Variants in BCHE observed in about 807,000 individuals in gnomAD.
BCHE encodes the protein butyrylcholinesterase, also known as cholinesterase.
Under a neutral mutation model 51.3 loss-of-function variants are expected in BCHE, and 48 were observed. The observed-to-expected ratio is 0.94, with a 90% confidence interval of 0.74 to 1.19. BCHE has a LOEUF of 1.19. BCHE is among the 50% of genes most tolerant of loss of function. The probability of loss-of-function intolerance (pLI) is 0.00; values close to 1 mark genes in which losing one functional copy is unlikely to be tolerated. For synonymous variants in BCHE, 251 were observed against 238.0 expected, an observed-to-expected ratio of 1.05 and a Z score of -0.50; for missense variants, 847 against 708.2, an observed-to-expected ratio of 1.20 and a Z score of -2.23.
rs1356865944 is a variant in BCHE, at chr3:165,799,721, A to T, written c.1518-13410T>A. Among the ~76,000 whole-genome samples, 10 of 152,244 alleles carry T rather than the reference A, an allele frequency of 6.6e-5. No individual in the cohort carries two copies. The East Asian group carries it at 1.9e-3, about 29-fold the overall frequency. Reference sequence around the variant, plus strand: ...GTGAGCATTGAACATTGAATTTGTAATGATTAAAATGGTGATACACACAAA... The same window carrying T: ...GTGAGCATTGAACATTGAATTTGTATTGATTAAAATGGTGATACACACAAA... On this transcript the variant is annotated intron_variant, in intron 2 of 3. Coordinates refer to ENST00000264381, the MANE Select transcript of BCHE (RefSeq NM_000055.4).
Position 165,786,131 on chromosome 3 carries a change from A to G in BCHE, c.1684+14T>C, listed in dbSNP as rs1236349451. ...ATCATCTATTAAATAACCAAACACT[A>G]AAAACAGACACACCTGTCATTTCCA... On this transcript the variant is annotated intron_variant, in intron 3 of 3. Transcript: ENST00000264381. The G allele has an allele frequency of 6.2e-6, 10 of 1,609,192 alleles. No homozygotes were observed. Among genetic ancestry groups the G allele is most frequent in the Middle Eastern group, 1.7e-4 (1 of 5,972 alleles).
chr3:165,778,775 T>C, intron 3 of BCHE: 1 of 406,412 alleles, frequency 2.5e-6, no homozygotes, highest in South Asian at 1.7e-5. Flanking sequence ...AAAAAAGACT[T>C]TTTAAAAGAT....
intron 2 of BCHE, among the ~76,000 whole-genome samples, chr3:165,807,556 A>T (rs1420222676): frequency 6.6e-6 from 1 of 151,118 alleles, no homozygotes; most frequent in African/African-American, 2.4e-5. Flanking sequence ...ATTTTTATTT[A>T]TTTATTTATT....
At chr3:165,808,805 T>C (rs1199185822) in intron 2 of BCHE, among the ~76,000 whole-genome samples, 6 of 152,130 alleles carry the variant, frequency 3.9e-5, no homozygotes, top group African/African-American at 1.4e-4. Flanking sequence ...GGTTACTTTA[T>C]TTCTGACAAC....
At chr3:165,792,660 A>G (rs1267097903) in intron 2 of BCHE, among the ~76,000 whole-genome samples, 6 of 152,342 alleles carry the variant, frequency 3.9e-5, no homozygotes. Flanking sequence ...TCACCAATTA[A>G]CTAAGAATCT....
chr3:165,806,315 C>T (rs1713861627), intron 2 of BCHE, among the ~76,000 whole-genome samples: 1 of 152,108 alleles, frequency 6.6e-6, no homozygotes, highest in African/African-American at 2.4e-5. Context: ...CATCTTACCC[C>T]AAAACTTTTT....
At chr3:165,784,073 A>G (rs2108200773) in intron 3 of BCHE, among the ~76,000 whole-genome samples, 1 of 152,116 alleles carries the variant, frequency 6.6e-6, no homozygotes, top group Non-Finnish European at 1.5e-5. Flanking sequence ...TTTCCTTTTA[A>G]GAAAGCCAGC....
intron 3 of BCHE, among the ~76,000 whole-genome samples, chr3:165,781,036 G>A (rs1712677606): frequency 1.3e-5 from 2 of 152,100 alleles, no homozygotes; most frequent in African/African-American, 4.8e-5. Flanking sequence ...GAGGTCAGGG[G>A]TTCGAGATCA....
At chr3:165,809,025 AT>A (rs1475005700) in intron 2 of BCHE, among the ~76,000 whole-genome samples, 1 of 152,116 alleles carries the variant, frequency 6.6e-6, no homozygotes, top group Non-Finnish European at 1.5e-5. Flanking sequence ...GACTTTATAT[AT>A]TATATTAAGT....
chr3:165,836,286 C>T (rs1327413497), intron 1 of BCHE, among the ~76,000 whole-genome samples: 3 of 151,896 alleles, frequency 2.0e-5, no homozygotes, highest in Non-Finnish European at 4.4e-5. Flanking sequence ...TTTAAAAGCT[C>T]ACGCTTATCC....
chr3:165,809,180 T>C (rs1330717689), intron 2 of BCHE, among the ~76,000 whole-genome samples: 4 of 152,294 alleles, frequency 2.6e-5, no homozygotes, highest in South Asian at 2.1e-4. Context: ...AAAACCGTTA[T>C]GGACTTTCAT....
At chr3:165,832,273 G>A (rs934108421) in intron 1 of BCHE, among the ~76,000 whole-genome samples, 1 of 152,130 alleles carries the variant, frequency 6.6e-6, no homozygotes, top group Non-Finnish European at 1.5e-5. Flanking sequence ...ACAGCAAAAT[G>A]TGATGCAAAT....
intron 2 of BCHE, among the ~76,000 whole-genome samples, chr3:165,814,033 T>C (rs192571999): frequency 6.6e-6 from 1 of 152,032 alleles, no homozygotes; most frequent in Admixed American, 6.6e-5. Flanking sequence ...TTTCTTTGAC[T>C]TCCACAATGA....
At position 165,830,264 on chromosome 3, in the gene BCHE, G is replaced by A. The variant is rs1385455803; in HGVS notation, c.770C>T (p.Ala257Val). 1.9e-6 allele frequency: 3 copies of A among 1,614,014 alleles called. No homozygotes were observed. The highest frequency in any genetic ancestry group is 2.5e-6 in the Non-Finnish European group (3 of 1,179,948). Residue 257 changes from alanine to valine, a missense_variant, in exon 2 of 4, where the codon GCT becomes GTT. By Grantham distance (64) the Ala-to-Val change is moderately conservative (BLOSUM62 0). Transcript: ENST00000264381. ...ATAAAGAGATGTTACCGCCCAAGGA[G>A]CATTAAAGGATCCACTTTGCAGAAT... Reference protein sequence around the residue: ...RAILQSGSFNAPWAVTSLYEA... With the variant: ...RAILQSGSFNVPWAVTSLYEA...
chr3:165,831,427 T>G (rs1290013011), intron 1 of BCHE, among the ~76,000 whole-genome samples: 2 of 152,138 alleles, frequency 1.3e-5, no homozygotes, highest in Non-Finnish European at 2.9e-5. Context: ...TCTGCCTTGG[T>G]AAGAGGAGAA....
chr3:165,805,936 C>T (rs1713849683), intron 2 of BCHE, among the ~76,000 whole-genome samples: 1 of 152,122 alleles, frequency 6.6e-6, no homozygotes, highest in Non-Finnish European at 1.5e-5. Flanking sequence ...CTCTGGACAT[C>T]TGAAATCCAT....
chr3:165,834,427 T>C (rs1236621215), intron 1 of BCHE, among the ~76,000 whole-genome samples: 1 of 152,010 alleles, frequency 6.6e-6, no homozygotes, highest in Non-Finnish European at 1.5e-5. Flanking sequence ...TAATGCTAAC[T>C]CATATGTATT....
chr3:165,827,780 C>G (rs1714782232), intron 2 of BCHE, among the ~76,000 whole-genome samples: 1 of 151,986 alleles, frequency 6.6e-6, no homozygotes. Context: ...ATAAGTAATT[C>G]TAATACACCT....
In BCHE at chr3:165,830,153, T is replaced by C; in HGVS notation, c.881A>G (p.Asn294Ser). The C allele has an allele frequency of 6.2e-7, 1 of 1,613,984 alleles. No homozygotes were observed. The highest frequency in any genetic ancestry group is 8.5e-7 in the Non-Finnish European group (1 of 1,179,916). ...CAGAAGAATTTCTTGGGGATCTTTA[T>C]TTCTAAGACACTTGATTATTTCAGT... ...NETEIIKCLR[N>S]KDPQEILLNE... is the part of the protein sequence containing the mutation. The change falls in exon 2 of 4, where the codon AAT becomes AGT. Residue 294 changes from asparagine to serine, a missense_variant. Transcript: ENST00000264381.
Sources: gnomAD v4.1 joint callset for allele counts (sites outside exome capture counted in the v4.1 genomes callset) on GRCh38, gnomAD v4.1.1 for gene constraint, MANE v1.5 for transcripts, NCBI Gene and HGNC (gene_info 2026-07-23, HGNC 2026-07-21) for gene names.